The following HLCS variants were observed in gnomAD, a reference collection of about 807,000 sequenced individuals.
HLCS encodes the protein biotin--protein ligase.
HLCS carries 53 observed loss-of-function variants against 75.0 expected under a neutral mutation model. The ratio of observed to expected loss-of-function variants is 0.71; its 90% CI spans 0.57 to 0.89. The LOEUF (loss-of-function observed/expected upper bound fraction) is 0.89. HLCS is among the 40% of genes least tolerant of loss of function. The pLI is 0.00. For synonymous variants in HLCS, 431 were observed against 428.6 expected (o/e 1.01, Z -0.07); for missense variants, 966 against 1,074.0 (o/e 0.90, Z 1.41).
In HLCS at chr21:36,779,837, T is replaced by C. The variant is rs192844694; in HGVS notation, c.1893-12552A>G. On this transcript the variant is annotated intron_variant, in intron 6 of 10. Coordinates refer to ENST00000674895, the MANE Select transcript of HLCS (RefSeq NM_001352514.2). ...CCCACCAATCCTTCTTTCTTTTTCA[T>C]TGTTTAACCTGGTTCAGAGTCGGAA... is the stretch of plus-strand genomic sequence containing the variant. Among the ~76,000 whole-genome samples the C allele has an allele frequency of 8.8e-4, 134 of 152,250 alleles. 2 individuals carry two copies. Among genetic ancestry groups the C allele is most frequent in the East Asian group, 3.9e-4 (2 of 5,182 alleles).
chr21:36,827,635 T>C (rs1261333343), intron 6 of HLCS, among the ~76,000 whole-genome samples: 1 of 149,640 alleles, frequency 6.7e-6, no homozygotes, highest in Non-Finnish European at 1.5e-5. Context: ...CTGAAAGAGA[T>C]GGGCATACAA....
chr21:36,989,887 C>T (rs2069313020), intron 1 of HLCS, among the ~76,000 whole-genome samples: 3 of 152,054 alleles, frequency 2.0e-5, no homozygotes, highest in Admixed American at 2.0e-4. Flanking sequence ...GCCGAGCCAG[C>T]CCGGGTCCCG....
intron 6 of HLCS, among the ~76,000 whole-genome samples, chr21:36,881,434 A>G (rs1057094335): frequency 3.3e-5 from 5 of 152,206 alleles, no homozygotes; most frequent in Admixed American, 6.5e-5. Context: ...CCAATTACTC[A>G]GCCACCACTA....
At chr21:36,930,775 T>A (rs2066603000) in intron 4 of HLCS, among the ~76,000 whole-genome samples, 1 of 152,222 alleles carries the variant, frequency 6.6e-6, no homozygotes, top group Non-Finnish European at 1.5e-5. Flanking sequence ...TGAATTTTTC[T>A]AATTATCAAT....
chr21:36,826,084 C>CTATG (rs1261455486), intron 6 of HLCS, among the ~76,000 whole-genome samples: 2 of 152,014 alleles, frequency 1.3e-5, no homozygotes, highest in Non-Finnish European at 2.9e-5. Flanking sequence ...ACTCTGTGAA[C>CTATG]TATGATTTTA....
At chr21:36,890,759 T>C (rs2064748636) in intron 6 of HLCS, among the ~76,000 whole-genome samples, 1 of 152,138 alleles carries the variant, frequency 6.6e-6, no homozygotes, top group African/African-American at 2.4e-5. Context: ...CCTAGATGTG[T>C]AAACACCTAA....
At chr21:36,931,223 C>T (rs2066622104) in intron 4 of HLCS, among the ~76,000 whole-genome samples, 2 of 126,714 alleles carry the variant, frequency 1.6e-5, no homozygotes, top group Admixed American at 9.8e-5. Flanking sequence ...GCGGAAGTTG[C>T]GGTGAGCTGA....
intron 1 of HLCS, among the ~76,000 whole-genome samples, chr21:36,985,009 A>C (rs1323353852): frequency 6.6e-6 from 1 of 152,142 alleles, no homozygotes; most frequent in Non-Finnish European, 1.5e-5. Flanking sequence ...TCTTTCCAGA[A>C]CCATTTGAGA....
At chr21:36,895,369 A>C (rs531456461) in intron 6 of HLCS, among the ~76,000 whole-genome samples, 28 of 152,342 alleles carry the variant, frequency 1.8e-4, no homozygotes, top group Admixed American at 1.4e-3. Flanking sequence ...TGTTCCATCT[A>C]AAAGAACAGG....
At chr21:36,971,379 G>A (rs919766330), upstream of HLCS, among the ~76,000 whole-genome samples, 2 of 152,136 alleles carry the variant, frequency 1.3e-5, no homozygotes, top group Admixed American at 1.3e-4. Flanking sequence ...GTGTTCAAGA[G>A]ATACCAGATA....
intron 5 of HLCS, among the ~76,000 whole-genome samples, chr21:36,899,511 C>G (rs1368222097): frequency 6.6e-6 from 1 of 152,138 alleles, no homozygotes; most frequent in Non-Finnish European, 1.5e-5. Context: ...ATAATCCCAG[C>G]TACTCAGGAG....
At chr21:36,783,818 CACAT>C (rs1461374894) in intron 6 of HLCS, among the ~76,000 whole-genome samples, 1 of 142,268 alleles carries the variant, frequency 7.0e-6, no homozygotes, top group Non-Finnish European at 1.6e-5. Flanking sequence ...CACACACATG[CACAT>C]ACACACACAC....
At chr21:36,941,991 G>C (rs1307073852) in intron 2 of HLCS, among the ~76,000 whole-genome samples, 4 of 150,238 alleles carry the variant, frequency 2.7e-5, no homozygotes, top group Admixed American at 6.6e-5. Context: ...TGGGCAATGA[G>C]AGCGAAACTG....
At chr21:36,854,880 G>A (rs968261056) in intron 6 of HLCS, among the ~76,000 whole-genome samples, 7 of 152,030 alleles carry the variant, frequency 4.6e-5, no homozygotes, top group African/African-American at 1.7e-4. Flanking sequence ...CTATTTTTGC[G>A]GGTACACAGC....
chr21:36,872,335 G>A (rs1403250883), intron 6 of HLCS, among the ~76,000 whole-genome samples: 1 of 150,096 alleles, frequency 6.7e-6, no homozygotes, highest in East Asian at 2.0e-4. Context: ...AGTTTGCAGT[G>A]AGCCGAGATC....
intron 5 of HLCS, among the ~76,000 whole-genome samples, chr21:36,907,137 C>A (rs551997826): frequency 1.3e-5 from 2 of 151,986 alleles, no homozygotes; most frequent in African/African-American, 4.8e-5. Flanking sequence ...GAATATGAAA[C>A]CTTGATCTCT....
At chr21:36,802,681 G>C (rs528442922) in intron 6 of HLCS, among the ~76,000 whole-genome samples, 2 of 152,084 alleles carry the variant, frequency 1.3e-5, no homozygotes, top group Non-Finnish European at 2.9e-5. Flanking sequence ...TCTTTGCGTC[G>C]TACTGAACTT....
rs754843588 is a variant in HLCS at position 36,961,513 on chromosome 21, GTCTGAAAAATAATAA to G, written c.330+508_330+522del. ...AGCCTAGGTGACACAATAAGACCCT[GTCTGAAAAATAATAA>G]CAATAAATTTTTCTAGCAGCCACAT... On this transcript the variant is annotated intron_variant, in intron 2 of 10. Transcript: ENST00000674895. Among the ~76,000 whole-genome samples, 253 of 152,122 alleles carry G rather than the reference GTCTGAAAAATAATAA, an allele frequency of 1.7e-3. 1 individual carries two copies. The highest frequency in any genetic ancestry group is 5.8e-3 in the South Asian group (28 of 4,814).
At chr21:36,882,520 A>G (rs1180125042) in intron 6 of HLCS, among the ~76,000 whole-genome samples, 2 of 151,726 alleles carry the variant, frequency 1.3e-5, no homozygotes, top group Non-Finnish European at 2.9e-5. Flanking sequence ...AGCTCACTGC[A>G]ACCTCCACCT....
Sources: allele counts gnomAD v4.1 joint callset (sites outside exome capture counted in the v4.1 genomes callset), GRCh38; gene constraint gnomAD v4.1.1; transcripts MANE v1.5; gene names NCBI Gene and HGNC (gene_info 2026-07-23, HGNC 2026-07-21).